Variants in LRMDA observed in about 807,000 individuals in gnomAD.
LRMDA encodes the protein leucine rich melanocyte differentiation associated.
In LRMDA, 18 loss-of-function variants were observed where a neutral mutation model predicts 29.8. The ratio of observed to expected loss-of-function variants is 0.60; its 90% CI spans 0.42 to 0.90. LRMDA has a LOEUF of 0.90. LRMDA is among the 40% of genes least tolerant of loss of function. The probability of loss-of-function intolerance (pLI) is 0.00; values close to 1 mark genes in which losing one functional copy is unlikely to be tolerated. For missense variants in LRMDA, 273 were observed against 273.9 expected (o/e 1.00, Z 0.02); for synonymous variants, 125 against 109.4 (o/e 1.14, Z -0.89).
In LRMDA at chr10:76,500,298, C is replaced by T. The variant is rs182301051; in HGVS notation, c.602-56911C>T. Reference sequence around the variant, plus strand: ...AGATGGTCACTATTGACAATTTGATCTATTTCTGTCCTTCTATTCATATTA... The same window carrying T: ...AGATGGTCACTATTGACAATTTGATTTATTTCTGTCCTTCTATTCATATTA... On this transcript the variant is annotated intron_variant, in intron 6 of 6. Transcript: ENST00000611255. Among the ~76,000 whole-genome samples, 39 of 75,984 alleles carry T rather than the reference C, an allele frequency of 5.1e-4. 8 individuals are homozygous for T. In the East Asian group the frequency reaches 9.4e-3, roughly 18 times the overall value. The allele number at this position is 75,984 out of a possible 152,430, so 49.8% of individuals were successfully genotyped here. A position where few individuals can be genotyped will look rare whatever the true frequency, so the allele number is the denominator to read the frequency against.
intron 2 of LRMDA, among the ~76,000 whole-genome samples, chr10:75,913,349 C>T (rs554379596): frequency 9.9e-5 from 15 of 151,874 alleles, no homozygotes; most frequent in Non-Finnish European, 1.8e-4. Context: ...CCCAGCTACC[C>T]GGGGGGCTGA....
chr10:76,320,497 G>A (rs997557412), intron 5 of LRMDA, among the ~76,000 whole-genome samples: 2 of 152,086 alleles, frequency 1.3e-5, no homozygotes, highest in African/African-American at 4.8e-5. Flanking sequence ...ATCAGAGGTG[G>A]CATTCATCCA....
At chr10:75,666,794 G>A (rs917036149) in intron 2 of LRMDA, among the ~76,000 whole-genome samples, 21 of 152,036 alleles carry the variant, frequency 1.4e-4, no homozygotes, top group Non-Finnish European at 2.5e-4. Context: ...GTAGTGATAA[G>A]GTGCTTTTTT....
chr10:75,917,580 A>C (rs922319955), intron 2 of LRMDA, among the ~76,000 whole-genome samples: 2 of 152,306 alleles, frequency 1.3e-5, no homozygotes, highest in African/African-American at 2.4e-5. Flanking sequence ...GAGTGTGACA[A>C]ATATCAACGA....
intron 2 of LRMDA, among the ~76,000 whole-genome samples, chr10:76,012,167 G>T (rs564030681): frequency 6.6e-6 from 1 of 152,172 alleles, no homozygotes; most frequent in Non-Finnish European, 1.5e-5. Context: ...TCAACATTGG[G>T]CTTCTGTTTA....
intron 2 of LRMDA, among the ~76,000 whole-genome samples, chr10:75,737,092 C>T (rs1413280186): frequency 6.6e-6 from 1 of 151,602 alleles, no homozygotes; most frequent in Non-Finnish European, 1.5e-5. Context: ...CATGCATGCA[C>T]ACACACACAT....
intron 6 of LRMDA, among the ~76,000 whole-genome samples, chr10:76,442,832 C>G (rs1842317503): frequency 6.6e-6 from 1 of 152,184 alleles, no homozygotes; most frequent in East Asian, 1.9e-4. Flanking sequence ...AATGAATAAA[C>G]TCTGGTGTTC....
At chr10:76,484,925 A>T (rs1245055547) in intron 6 of LRMDA, among the ~76,000 whole-genome samples, 1 of 151,512 alleles carries the variant, frequency 6.6e-6, no homozygotes, top group African/African-American at 2.4e-5. Context: ...ATTTTCCTTT[A>T]CTAAAGTCAG....
chr10:75,841,150 A>T (rs1434909145), intron 2 of LRMDA, among the ~76,000 whole-genome samples: 5 of 152,216 alleles, frequency 3.3e-5, no homozygotes, highest in Admixed American at 2.6e-4. Context: ...CATTGAGCCC[A>T]CATTCTAAAG....
At chr10:75,926,346 C>G (rs1846120101) in intron 2 of LRMDA, among the ~76,000 whole-genome samples, 1 of 152,132 alleles carries the variant, frequency 6.6e-6, no homozygotes, top group East Asian at 1.9e-4. Flanking sequence ...TTCCTGGTCA[C>G]AAAAGTTAAC....
At chr10:76,518,260 C>G (rs1843082070) in intron 6 of LRMDA, among the ~76,000 whole-genome samples, 1 of 150,068 alleles carries the variant, frequency 6.7e-6, no homozygotes, top group African/African-American at 2.5e-5. Context: ...ACCTACCTAT[C>G]CATCTATCCA....
At chr10:75,716,603 T>G (rs1353526458) in intron 2 of LRMDA, among the ~76,000 whole-genome samples, 2 of 152,154 alleles carry the variant, frequency 1.3e-5, no homozygotes, top group Admixed American at 6.5e-5. Flanking sequence ...TTGCATACCT[T>G]TAGGTTCAAG....
intron 5 of LRMDA, among the ~76,000 whole-genome samples, chr10:76,202,455 G>T (rs1851450681): frequency 6.6e-6 from 1 of 152,114 alleles, no homozygotes; most frequent in African/African-American, 2.4e-5. Flanking sequence ...TGGTGTGCAT[G>T]TAACTTCTCC....
At chr10:75,539,969 CA>C (rs1839996708) in intron 2 of LRMDA, among the ~76,000 whole-genome samples, 2 of 152,238 alleles carry the variant, frequency 1.3e-5, no homozygotes, top group South Asian at 4.1e-4. Context: ...AGGTTATTAA[CA>C]GATTCACTAT....
At chr10:76,534,905 C>T (rs75418747) in intron 6 of LRMDA, among the ~76,000 whole-genome samples, 2,292 of 152,276 alleles carry the variant, frequency 0.015, 68 homozygotes, top group African/African-American at 0.052. Context: ...TCTATCCACC[C>T]ACCCCATTAT....
At chr10:76,281,464 C>A (rs1840203646) in intron 5 of LRMDA, among the ~76,000 whole-genome samples, 1 of 152,114 alleles carries the variant, frequency 6.6e-6, no homozygotes, top group Non-Finnish European at 1.5e-5. Flanking sequence ...AACCCTAATT[C>A]TATATCCAAT....
chr10:76,061,413 T>C (rs1848699271), intron 5 of LRMDA, among the ~76,000 whole-genome samples: 1 of 152,262 alleles, frequency 6.6e-6, no homozygotes, highest in African/African-American at 2.4e-5. Context: ...AAAATAACTA[T>C]TAGGTACTAG....
chr10:76,082,154 A>C (rs2132080265), intron 5 of LRMDA, among the ~76,000 whole-genome samples: 1 of 152,292 alleles, frequency 6.6e-6, no homozygotes, highest in East Asian at 1.9e-4. Flanking sequence ...ATGGAACACC[A>C]ACTTTTCATA....
At chr10:76,009,532 G>A (rs568782869) in intron 2 of LRMDA, among the ~76,000 whole-genome samples, 14 of 152,228 alleles carry the variant, frequency 9.2e-5, no homozygotes, top group Admixed American at 3.3e-4. Flanking sequence ...TGTGGATTGC[G>A]GGCCAGGAGC....
Sources: allele counts gnomAD v4.1 joint callset (sites outside exome capture counted in the v4.1 genomes callset), GRCh38; gene constraint gnomAD v4.1.1; transcripts MANE v1.5; gene names NCBI Gene and HGNC (gene_info 2026-07-23, HGNC 2026-07-21).